The following MED12L variants were observed in gnomAD, a reference collection of about 807,000 sequenced individuals.
MED12L encodes mediator of RNA polymerase II transcription subunit 12-like protein.
MED12L carries 60 observed loss-of-function variants against 281.3 expected under a neutral mutation model. The observed-to-expected ratio is 0.21, with a 90% CI of 0.17 to 0.26. MED12L has a LOEUF of 0.26. Among genes scored for constraint, MED12L ranks in the 10% least tolerant of loss-of-function variants. The probability of loss-of-function intolerance (pLI) is 1.00; values close to 1 mark genes in which losing one functional copy is unlikely to be tolerated. For missense variants in MED12L, 2,146 were observed against 2,680.9 expected, an observed-to-expected ratio of 0.80 and a Z score of 4.41; for synonymous variants, 974 against 987.2, an observed-to-expected ratio of 0.99 and a Z score of 0.25.
At chr3:151,169,861 G>A (rs887219452) in intron 11 of MED12L, among the ~76,000 whole-genome samples, 1 of 152,188 alleles carries the variant, frequency 6.6e-6, no homozygotes, top group Non-Finnish European at 1.5e-5. Flanking sequence ...ATAGGTTGGA[G>A]GTTTGCTGTT....
rs144067974 is a variant in MED12L at position 151,379,366 on chromosome 3, A to T, written c.4479-747A>T. 3.8e-3 allele frequency among the ~76,000 whole-genome samples: 576 copies of T among 152,342 alleles called. 1 individual carries two copies. The highest frequency in any genetic ancestry group is 0.013 in the African/African-American group (558 of 41,580). On this transcript the variant is annotated intron_variant, in intron 31 of 44. Coordinates refer to ENST00000687756, the MANE Select transcript of MED12L (RefSeq NM_001393769.1). The stretch of plus-strand genomic sequence containing the variant: ...AATATTTTGGCCTAGGTCTCATTTT[A>T]AGAAATTTGTCTTTCCAACATGGCG...
At chr3:151,143,803 T>G (rs1278879760) in intron 5 of MED12L, among the ~76,000 whole-genome samples, 1 of 152,218 alleles carries the variant, frequency 6.6e-6, no homozygotes, top group Non-Finnish European at 1.5e-5. Flanking sequence ...ACAGTCCTCC[T>G]GTCCTGGGGC....
Position 151,389,959 on chromosome 3 carries a change from TA to T in MED12L, c.5452-14del. On this transcript the variant is annotated intron_variant, in intron 37 of 44. Transcript: ENST00000687756. ...TGATATGTGGAGTTACGTAACTTTT[TA>T]AAAAACTTTATGTTGAAGGAATATC... The T allele has an allele frequency of 6.2e-7, 1 of 1,612,744 alleles. No individual in the cohort carries two copies. Among genetic ancestry groups the T allele is most frequent in the South Asian group, 1.1e-5 (1 of 90,990 alleles).
intron 36 of MED12L, among the ~76,000 whole-genome samples, chr3:151,387,089 A>G (rs867808358): frequency 2.6e-5 from 4 of 152,212 alleles, no homozygotes; most frequent in South Asian, 2.1e-4. Flanking sequence ...TTAGGGAATG[A>G]CTGAGTAGTT....
intron 17 of MED12L, among the ~76,000 whole-genome samples, chr3:151,354,175 G>T (rs1469410005): frequency 6.9e-6 from 1 of 144,684 alleles, no homozygotes; most frequent in African/African-American, 2.6e-5. Flanking sequence ...GAATCACAGT[G>T]CTAGAAATGA....
chr3:151,367,847 A>C lies in MED12L; in HGVS notation c.3448+81A>C. 5 of 1,483,560 alleles carry C rather than the reference A, an allele frequency of 3.4e-6. No individual in the cohort carries two copies. In the South Asian group the frequency reaches 5.2e-5, roughly 15 times the overall value. 91.9% of individuals were successfully genotyped at this position (1,483,560 alleles called of 1,614,324 possible). A position where few individuals can be genotyped will look rare whatever the true frequency, so the allele number is the denominator to read the frequency against. ...GTTTCTAACATTACAACACAGGGAA[A>C]GGAGTATTTGAGGGTATGTATATTG... On this transcript the variant is annotated intron_variant, in intron 24 of 44. Transcript: ENST00000687756.
intron 16 of MED12L, among the ~76,000 whole-genome samples, chr3:151,260,102 C>G (rs139677153): frequency 5.3e-5 from 8 of 152,162 alleles, no homozygotes; most frequent in Non-Finnish European, 1.0e-4. Flanking sequence ...ACTGGGGACA[C>G]CATTGGTGGG....
At chr3:151,421,607 C>T (rs183220046) in intron 43 of MED12L, among the ~76,000 whole-genome samples, 6 of 152,190 alleles carry the variant, frequency 3.9e-5, no homozygotes, top group Non-Finnish European at 8.8e-5. Context: ...GATGGGGTTT[C>T]ACCATGTTGG....
rs530585221 is a variant in MED12L at position 151,258,551 on chromosome 3, G to T, written c.2250+64885G>T. Among the ~76,000 whole-genome samples the T allele has an allele frequency of 2.0e-5, 3 of 152,156 alleles. No homozygotes were observed. In the East Asian group the frequency reaches 5.8e-4, roughly 29 times the overall value. Reference sequence around the variant, plus strand: ...TTTTGAATGACTGCTAAATCTCTAGGGCTGTGGTGCATCCTGAGGAACTTG... The same window carrying T: ...TTTTGAATGACTGCTAAATCTCTAGTGCTGTGGTGCATCCTGAGGAACTTG... On this transcript the variant is annotated intron_variant, in intron 16 of 44. Coordinates refer to ENST00000687756, the MANE Select transcript of MED12L (RefSeq NM_001393769.1).
intron 16 of MED12L, among the ~76,000 whole-genome samples, chr3:151,230,441 G>A (rs1330152853): frequency 2.6e-5 from 4 of 152,052 alleles, no homozygotes; most frequent in African/African-American, 9.7e-5. Flanking sequence ...ATTGCCTCAG[G>A]TATAATACCT....
chr3:151,269,731 C>A, intron 16 of MED12L: 1 of 417,940 alleles, frequency 2.4e-6, no homozygotes, highest in Non-Finnish European at 4.6e-6. Context: ...AAATAAAGTT[C>A]TCTCCAAGGA....
intron 16 of MED12L, among the ~76,000 whole-genome samples, chr3:151,254,351 A>G (rs1737415423): frequency 6.6e-6 from 1 of 152,232 alleles, no homozygotes; most frequent in Non-Finnish European, 1.5e-5. Context: ...TATTATTTAT[A>G]GCAGAGGCTT....
At chr3:151,329,515 A>G in intron 16 of MED12L, 2 of 1,548,414 alleles carry the variant, frequency 1.3e-6, no homozygotes, top group Non-Finnish European at 1.7e-6. Flanking sequence ...CTGTCTTCTT[A>G]TGGCGGCAGT....
At chr3:151,364,383 AATGAT>A (rs1755023979) in intron 21 of MED12L, among the ~76,000 whole-genome samples, 1 of 152,158 alleles carries the variant, frequency 6.6e-6, no homozygotes, top group Non-Finnish European at 1.5e-5. Context: ...AGTTTTTATG[AATGAT>A]ATAATAGTTT....
intron 25 of MED12L, 120 bp downstream of exon 25, chr3:151,368,371 G>T: frequency 1.3e-6 from 1 of 747,836 alleles, no homozygotes. Context: ...TGCCCTGGGG[G>T]TGATGAAGGG....
At chr3:151,365,777 A>C in intron 22 of MED12L, 73 bp from the exon 23 acceptor site, 1 of 1,265,070 alleles carries the variant, frequency 7.9e-7, no homozygotes, top group Non-Finnish European at 1.1e-6. Context: ...AATATATGTT[A>C]ATTAAGTATA....
intron 5 of MED12L, among the ~76,000 whole-genome samples, chr3:151,134,533 A>G (rs1389116134): frequency 6.6e-6 from 1 of 152,210 alleles, no homozygotes; most frequent in Non-Finnish European, 1.5e-5. Flanking sequence ...AGGTATTTGC[A>G]GTATGAGTAG....
intron 21 of MED12L, among the ~76,000 whole-genome samples, chr3:151,363,100 G>A (rs546343577): frequency 1.8e-4 from 27 of 152,162 alleles, no homozygotes; most frequent in African/African-American, 5.3e-4. Flanking sequence ...CGCTGGGCGT[G>A]GGGTGTGTGG....
At chr3:151,110,570 T>G (rs1711709883) in intron 2 of MED12L, among the ~76,000 whole-genome samples, 1 of 152,248 alleles carries the variant, frequency 6.6e-6, no homozygotes, top group Non-Finnish European at 1.5e-5. Flanking sequence ...TTTTTTTGGT[T>G]GTGATACTCT....
Sources: allele counts gnomAD v4.1 joint callset (sites outside exome capture counted in the v4.1 genomes callset), GRCh38; gene constraint gnomAD v4.1.1; transcripts MANE v1.5; gene names NCBI Gene and HGNC (gene_info 2026-07-23, HGNC 2026-07-21).